CBLN4: variants seen among roughly 807,000 people sequenced by gnomAD.
CBLN4 encodes cerebellin 4 precursor.
A neutral mutation model predicts 14.9 loss-of-function variants in CBLN4; 7 were observed. That is an observed-to-expected ratio of 0.47 (90% CI 0.27 to 0.88). The LOEUF is 0.88. Among genes scored for constraint, CBLN4 ranks in the 40% least tolerant of loss-of-function variants. The probability of loss-of-function intolerance (pLI) is 0.14; values close to 1 mark genes in which losing one functional copy is unlikely to be tolerated. For missense variants in CBLN4, 188 were observed against 256.8 expected, an observed-to-expected ratio of 0.73 and a Z score of 1.83; for synonymous variants, 131 against 116.5, an observed-to-expected ratio of 1.12 and a Z score of -0.80.
chr20:56,000,118 T>C (rs1986344599), intron 2 of CBLN4, among the ~76,000 whole-genome samples: 1 of 152,234 alleles, frequency 6.6e-6, no homozygotes, highest in Admixed American at 6.5e-5. Context: ...CTTTTGAATG[T>C]AAGGTCAAGC....
rs752329121 is a variant in CBLN4 at position 56,003,865 on chromosome 20, TC to T, written c.291+15del. On this transcript the variant is annotated intron_variant, in intron 1 of 2. Coordinates refer to ENST00000064571, the MANE Select transcript of CBLN4 (RefSeq NM_080617.6). ...ACCGCCCACCCCCTAGGTGCTCGCT[TC>T]CCCCCGGGTCTGACCTGATCGAAGT... 1.1e-5 allele frequency: 17 copies of T among 1,576,508 alleles called. No individual in the cohort carries two copies. Among genetic ancestry groups the T allele is most frequent in the African/African-American group, 6.9e-5 (5 of 72,852 alleles).
rs1296568434 is a variant in CBLN4 at position 56,004,287 on chromosome 20, G to A, written c.-116C>T. On this transcript the variant is annotated 5_prime_UTR_variant, in exon 1 of 3. Transcript: ENST00000064571. The surrounding 1 kb of genome is among the most constrained non-coding windows in gnomAD (Gnocchi z 6.1). ...AGCGGCTAGGTCGACAGCGCTGCAG[G>A]AGCGACGGCGGCGGCGGCGCGCACA... is the stretch of plus-strand genomic sequence containing the variant. 3 of 1,089,138 alleles carry A rather than the reference G, an allele frequency of 2.8e-6. No homozygotes were observed. In the African/African-American group the frequency reaches 5.0e-5, roughly 18 times the overall value. 67.5% of individuals were successfully genotyped at this position (1,089,138 alleles called of 1,614,324 possible).
In CBLN4 at chr20:56,004,402, G is replaced by C; in HGVS notation, c.-231C>G. 2.1e-6 allele frequency: 1 copy of C among 479,834 alleles called. No homozygotes were observed. The highest frequency in any genetic ancestry group is 3.6e-6 in the Non-Finnish European group (1 of 279,092). The allele number at this position is 479,834 out of a possible 1,614,324, so 29.7% of individuals were successfully genotyped here. ...CTTTGTCCTTTAAGGAGCTCATGCAGCACCCTTTACCCTACTCTCCTCCGC... is the reference window on the plus strand; with the variant it reads ...CTTTGTCCTTTAAGGAGCTCATGCACCACCCTTTACCCTACTCTCCTCCGC... On this transcript the variant is annotated 5_prime_UTR_variant, in exon 1 of 3. Transcript: ENST00000064571. The surrounding 1 kb of genome is among the most constrained non-coding windows in gnomAD (Gnocchi z 6.1).
In CBLN4 at chr20:56,004,232, C is replaced by T. The variant is rs1199117685; in HGVS notation, c.-61G>A. 1.5e-6 allele frequency: 2 copies of T among 1,355,044 alleles called. No individual in the cohort carries two copies. Among genetic ancestry groups the T allele is most frequent in the Non-Finnish European group, 1.9e-6 (2 of 1,057,012 alleles). 83.9% of individuals were successfully genotyped at this position (1,355,044 alleles called of 1,614,324 possible). On this transcript the variant is annotated 5_prime_UTR_variant, in exon 1 of 3. Coordinates refer to ENST00000064571, the MANE Select transcript of CBLN4 (RefSeq NM_080617.6). The surrounding 1 kb of genome is among the most constrained non-coding windows in gnomAD (Gnocchi z 6.1). ...TGGTGCTCGCCCGCGTCGCCTCCTA[C>T]CCCGGGATCCCGGTGCTCGGGAAGA... is the stretch of plus-strand genomic sequence containing the variant.
In CBLN4 at chr20:56,004,718, A is replaced by C. The variant is rs1986436590; in HGVS notation, c.-547T>G. 6.6e-6 allele frequency: 1 copy of C among 152,630 alleles called. No homozygotes were observed. Among genetic ancestry groups the C allele is most frequent in the Non-Finnish European group, 1.5e-5 (1 of 68,402 alleles). The allele number at this position is 152,630 out of a possible 1,614,324, so 9.5% of individuals were successfully genotyped here. On this transcript the variant is annotated 5_prime_UTR_variant, in exon 1 of 3. Transcript: ENST00000064571. This position sits in a 1 kb window ranked among gnomAD's most constrained non-coding sequence, Gnocchi z 6.1. ...TCCTTCCCAGGCTGAGAAGAACGCG[A>C]GGCTGTGTTCATGGCCAGGACGCCA...
intron 2 of CBLN4, among the ~76,000 whole-genome samples, 164 bp from the exon 3 acceptor site, chr20:55,998,918 A>C (rs1310899011): frequency 6.6e-6 from 1 of 152,074 alleles, no homozygotes; most frequent in Non-Finnish European, 1.5e-5. Flanking sequence ...GCCATACTTC[A>C]CATGTCTGCT....
rs1183932454 is a variant in CBLN4 at position 56,004,185 on chromosome 20, G to GGCAGCC, written c.-20_-15dup. On this transcript the variant is annotated 5_prime_UTR_variant, in exon 1 of 3. Coordinates refer to ENST00000064571, the MANE Select transcript of CBLN4 (RefSeq NM_080617.6). This position sits in a 1 kb window ranked among gnomAD's most constrained non-coding sequence, Gnocchi z 6.1. ...CCCGGAGCCCATGGTGAGCCGTGTG[G>GGCAGCC]GCAGCCGCAGCCGGCTGGCGCTGGT... is the stretch of plus-strand genomic sequence containing the variant. 3 of 1,424,344 alleles carry GGCAGCC rather than the reference G, an allele frequency of 2.1e-6. No individual in the cohort carries two copies. Among genetic ancestry groups the GGCAGCC allele is most frequent in the Non-Finnish European group, 2.7e-6 (3 of 1,096,138 alleles). 88.2% of individuals were successfully genotyped at this position (1,424,344 alleles called of 1,614,324 possible). A position where few individuals can be genotyped will look rare whatever the true frequency, so the allele number is the denominator to read the frequency against.
chr20:56,001,648 G>A (rs868820537), intron 1 of CBLN4, among the ~76,000 whole-genome samples: 1 of 152,172 alleles, frequency 6.6e-6, no homozygotes, highest in Non-Finnish European at 1.5e-5. Context: ...TCCCCGGGCT[G>A]TCCATTAACC....
intron 1 of CBLN4, among the ~76,000 whole-genome samples, chr20:56,002,577 A>G (rs1010852471): frequency 1.3e-5 from 2 of 152,244 alleles, no homozygotes; most frequent in African/African-American, 4.8e-5. Flanking sequence ...AACACCCTGT[A>G]TAGAGGATAG....
intron 2 of CBLN4, among the ~76,000 whole-genome samples, chr20:56,000,411 G>GAATTACTTGCATTTAA (rs769326828): frequency 2.0e-5 from 3 of 152,196 alleles, no homozygotes; most frequent in Middle Eastern, 3.4e-3. Context: ...AGTAATTCTT[G>GAATTACTTGCATTTAA]TACATGCATT....
In CBLN4 at chr20:56,000,835, C is replaced by T; in HGVS notation, c.304G>A (p.Val102Met). The change falls in exon 2 of 3, where the codon GTG becomes ATG. Residue 102 changes from valine to methionine, a missense_variant. Physicochemically the swap from Val to Met is conservative, Grantham distance 21. This residue lies in a region of CBLN4 where 93 missense variants were observed against 157.7 expected (regional missense o/e 0.59). Transcript: ENST00000064571. ...IIYFDQILVNVGNFFTLESVF... is the reference protein window; with the variant it reads ...IIYFDQILVNMGNFFTLESVF... ...GACTCCAATGTGAAAAAATTACCCACATTCACCAGGATCTACAAATAAAAA... is the reference window on the plus strand; with the variant it reads ...GACTCCAATGTGAAAAAATTACCCATATTCACCAGGATCTACAAATAAAAA... The T allele has an allele frequency of 6.5e-7, 1 of 1,549,968 alleles. No homozygotes were observed. The highest frequency in any genetic ancestry group is 1.2e-5 in the South Asian group (1 of 81,990).
In CBLN4 at chr20:56,004,137, G is replaced by C. The variant is rs556761879; in HGVS notation, c.35C>G (p.Pro12Arg). The C allele has an allele frequency of 1.9e-5, 30 of 1,574,706 alleles. No individual in the cohort carries two copies. The African/African-American group carries it at 3.4e-4, about 18-fold the overall frequency. ...GSGRRALSAV[P>R]AVLLVLTLPG... ...CAGCGTGAGGACCAGCAGCACGGCC[G>C]GCACCGCGGACAGCGCCCGGCGCCC... The change falls in exon 1 of 3, where the codon CCG becomes CGG. Residue 12 changes from proline to arginine, a missense_variant. Physicochemically the swap from Pro to Arg is moderately radical, Grantham distance 103 (BLOSUM62 -2). Around this residue, in one of 2 missense-constraint regions of CBLN4, gnomAD observed 95 missense variants for 99.2 expected, o/e 0.96. Coordinates refer to ENST00000064571, the MANE Select transcript of CBLN4 (RefSeq NM_080617.6). The surrounding 1 kb of genome is among the most constrained non-coding windows in gnomAD (Gnocchi z 6.1).
intron 2 of CBLN4, among the ~76,000 whole-genome samples, chr20:56,000,133 T>C (rs1004754615): frequency 2.6e-5 from 4 of 152,218 alleles, no homozygotes; most frequent in Non-Finnish European, 5.9e-5. Context: ...TCAAGCCCAT[T>C]GTCTTAGAAA....
rs1162114861 is a variant in CBLN4 at position 56,004,787 on chromosome 20, G to C, written c.-616C>G. On this transcript the variant is annotated 5_prime_UTR_variant, in exon 1 of 3. Transcript: ENST00000064571. The surrounding 1 kb of genome is among the most constrained non-coding windows in gnomAD (Gnocchi z 6.1). Reference sequence around the variant, plus strand: ...TGGTCAAAAAAATCCCCCAAACCTGGTGTCACCCAGAGGTAGGGAGGGAGG... The same window carrying C: ...TGGTCAAAAAAATCCCCCAAACCTGCTGTCACCCAGAGGTAGGGAGGGAGG... 6.6e-6 allele frequency: 1 copy of C among 152,418 alleles called. No individual in the cohort carries two copies. Among genetic ancestry groups the C allele is most frequent in the African/African-American group, 2.4e-5 (1 of 41,476 alleles). The allele number at this position is 152,418 out of a possible 1,614,324, so 9.4% of individuals were successfully genotyped here.
intron 1 of CBLN4, among the ~76,000 whole-genome samples, chr20:56,001,413 A>G (rs1009942627): frequency 2.6e-5 from 4 of 152,196 alleles, no homozygotes; most frequent in African/African-American, 9.7e-5. Flanking sequence ...ACCATGTGAC[A>G]TAATCCTTGA....
rs1986315988 is a variant in CBLN4 at position 55,998,415 on chromosome 20, A to T, written c.*142T>A. 2.3e-6 allele frequency: 2 copies of T among 874,140 alleles called. No homozygotes were observed. The highest frequency in any genetic ancestry group is 3.5e-6 in the Non-Finnish European group (2 of 569,026). The allele number at this position is 874,140 out of a possible 1,614,324, so 54.1% of individuals were successfully genotyped here. Reference sequence around the variant, plus strand: ...AATCTGTGAAATTTTGTATTGGTTCAGACAGGCTAGAATCCTTAGAATCCA... The same window carrying T: ...AATCTGTGAAATTTTGTATTGGTTCTGACAGGCTAGAATCCTTAGAATCCA... On this transcript the variant is annotated 3_prime_UTR_variant, in exon 3 of 3. Transcript: ENST00000064571.
Position 56,004,176 on chromosome 20 carries a change from A to G in CBLN4, c.-5T>C, listed in dbSNP as rs1249839951. On this transcript the variant is annotated 5_prime_UTR_variant, in exon 1 of 3. Transcript: ENST00000064571. The surrounding 1 kb of genome is among the most constrained non-coding windows in gnomAD (Gnocchi z 6.1). ...CGCCCGGCGCCCGGAGCCCATGGTG[A>G]GCCGTGTGGGCAGCCGCAGCCGGCT... 1.4e-6 allele frequency: 2 copies of G among 1,476,952 alleles called. No individual in the cohort carries two copies. Among genetic ancestry groups the G allele is most frequent in the Admixed American group, 2.3e-5 (1 of 42,874 alleles). 91.5% of individuals were successfully genotyped at this position (1,476,952 alleles called of 1,614,324 possible).
Position 56,004,541 on chromosome 20 carries a change from T to C in CBLN4, c.-370A>G, listed in dbSNP as rs1986432710. 5.3e-6 allele frequency: 1 copy of C among 189,694 alleles called. No individual in the cohort carries two copies. The highest frequency in any genetic ancestry group is 2.3e-5 in the African/African-American group (1 of 42,794). 11.8% of individuals were successfully genotyped at this position (189,694 alleles called of 1,614,324 possible). On this transcript the variant is annotated 5_prime_UTR_variant, in exon 1 of 3. Coordinates refer to ENST00000064571, the MANE Select transcript of CBLN4 (RefSeq NM_080617.6). The surrounding 1 kb of genome is among the most constrained non-coding windows in gnomAD (Gnocchi z 6.1). ...GCAAAAAATAATAATAATAATAAAT[T>C]CTCACCCCAAACTCAAGCACCACCA...
chr20:56,002,818 A>C (rs997793926), intron 1 of CBLN4, among the ~76,000 whole-genome samples: 20 of 152,330 alleles, frequency 1.3e-4, no homozygotes, highest in African/African-American at 4.6e-4. Flanking sequence ...AGGAATACAG[A>C]TGTCACCTCG....
Sources: gnomAD v4.1 joint callset for allele counts (sites outside exome capture counted in the v4.1 genomes callset) on GRCh38, gnomAD v4.1.1 for gene constraint, gnomAD v4.1.1 regional missense constraint, Gnocchi (gnomAD v3.1) non-coding constraint, MANE v1.5 for transcripts, NCBI Gene and HGNC (gene_info 2026-07-23, HGNC 2026-07-21) for gene names.